The following CPHXL variants were observed in gnomAD, a reference collection of about 807,000 sequenced individuals.
The protein encoded by CPHXL is cytoplasmic polyadenylated homeobox like.
In CPHXL at chr16:75,714,920, A is replaced by G. The variant is rs369457047; in HGVS notation, c.522T>C (p.Ser174=). The change falls in exon 3 of 3, where the codon TCT becomes TCC. Residue 174 remains serine (S), a synonymous_variant. Coordinates refer to ENST00000640559, the MANE Select transcript of CPHXL (RefSeq NM_001355613.1). Reference sequence around the variant, plus strand: ...TGGGAATCCCTGGTTTCTCCAGATAAGAGCACTGGGGGCCCACCTGTTGAC... The same window carrying G: ...TGGGAATCCCTGGTTTCTCCAGATAGGAGCACTGGGGGCCCACCTGTTGAC... ...TPSQQVGPQC[S]YLEKPGIPSQ... 1.5e-5 allele frequency: 6 copies of G among 398,452 alleles called. No homozygotes were observed. The highest frequency in any genetic ancestry group is 2.1e-5 in the African/African-American group (1 of 48,696). The allele number at this position is 398,452 out of a possible 1,614,324, so 24.7% of individuals were successfully genotyped here. A position where few individuals can be genotyped will look rare whatever the true frequency, so the allele number is the denominator to read the frequency against.
chr16:75,714,893 A>T lies in CPHXL; in HGVS notation c.549T>A (p.Ser183Arg). 5.0e-6 allele frequency: 2 copies of T among 398,660 alleles called. No individual in the cohort carries two copies. Among genetic ancestry groups the T allele is most frequent in the Non-Finnish European group, 8.8e-6 (2 of 226,094 alleles). The allele number at this position is 398,660 out of a possible 1,614,324, so 24.7% of individuals were successfully genotyped here. The change falls in exon 3 of 3, where the codon AGT (serine) becomes AGA (arginine). Residue 183 changes from serine (S) to arginine (R), a missense_variant. Coordinates refer to ENST00000640559, the MANE Select transcript of CPHXL (RefSeq NM_001355613.1). ...AGGAGCACTGGGAACCCACCTGTTG[A>T]CTGGGAATCCCTGGTTTCTCCAGAT... The part of the protein sequence containing the change: ...CSYLEKPGIP[S>R]QQVGSQCSYL...
chr16:75,714,678 G>A lies in CPHXL; in HGVS notation c.764C>T (p.Pro255Leu). The stretch of plus-strand genomic sequence containing the variant: ...ATGAAAATATGGCACAGAAGATGGG[G>A]GAGGATGAAGGCATTCTGCAGAGTT... ...SYNSAECLHP[P>L]PSSVPYFHGE... The change falls in exon 3 of 3, where the codon CCC becomes CTC. Residue 255 changes from proline (P) to leucine (L), a missense_variant. Transcript: ENST00000640559. The A allele has an allele frequency of 5.0e-6, 2 of 398,652 alleles. No homozygotes were observed. The highest frequency in any genetic ancestry group is 8.8e-6 in the Non-Finnish European group (2 of 226,068). The allele number at this position is 398,652 out of a possible 1,614,324, so 24.7% of individuals were successfully genotyped here.
chr16:75,716,794 A>T (rs1378117731), intron 2 of CPHXL, among the ~76,000 whole-genome samples: 3 of 152,170 alleles, frequency 2.0e-5, no homozygotes, highest in Non-Finnish European at 4.4e-5. Context: ...TTTCATCCTG[A>T]AGCTACTAGG....
intron 2 of CPHXL, among the ~76,000 whole-genome samples, chr16:75,716,003 TTC>T (rs1355416821): frequency 6.6e-6 from 1 of 152,146 alleles, no homozygotes; most frequent in Non-Finnish European, 1.5e-5. Context: ...TGGCCCACAT[TTC>T]TGTTTCTTAT....
intron 1 of CPHXL, among the ~76,000 whole-genome samples, chr16:75,723,674 A>G (rs377142408): frequency 6.6e-6 from 1 of 152,102 alleles, no homozygotes. Context: ...TGGCCATACT[A>G]CCCAAGGTAA....
intron 1 of CPHXL, among the ~76,000 whole-genome samples, chr16:75,721,781 C>T (rs1030143748): frequency 6.6e-6 from 1 of 152,192 alleles, no homozygotes. Flanking sequence ...ACTCTCCACC[C>T]CAAATCAACA....
intron 1 of CPHXL, among the ~76,000 whole-genome samples, 167 bp downstream of exon 1, chr16:75,726,251 G>T (rs1959558022): frequency 6.6e-6 from 1 of 152,116 alleles, no homozygotes; most frequent in African/African-American, 2.4e-5. Flanking sequence ...TGAAATTCAA[G>T]AGTCCAACTT....
chr16:75,715,360 CAT>C (rs1475457109), intron 2 of CPHXL, 138 bp from the exon 3 acceptor site: 1 of 396,676 alleles, frequency 2.5e-6, no homozygotes, highest in African/African-American at 2.1e-5. Flanking sequence ...GACATTAAAG[CAT>C]ATAAATAATA....
intron 1 of CPHXL, among the ~76,000 whole-genome samples, chr16:75,723,996 C>G (rs1959517666): frequency 6.6e-6 from 1 of 152,222 alleles, no homozygotes; most frequent in Admixed American, 6.5e-5. Context: ...TGATCTTTGA[C>G]AAACTTGACA....
intron 1 of CPHXL, among the ~76,000 whole-genome samples, chr16:75,719,883 C>T (rs564803930): frequency 4.6e-5 from 7 of 152,204 alleles, no homozygotes; most frequent in South Asian, 2.1e-4. Context: ...CTCACACGGC[C>T]GGGTACTCCT....
At chr16:75,720,748 G>C (rs1045590564) in intron 1 of CPHXL, among the ~76,000 whole-genome samples, 4 of 58,546 alleles carry the variant, frequency 6.8e-5, no homozygotes, top group African/African-American at 2.9e-4. Context: ...AGGAAATACA[G>C]AGAACACCAC....
chr16:75,716,573 C>T (rs1959395658), intron 2 of CPHXL, among the ~76,000 whole-genome samples: 1 of 152,170 alleles, frequency 6.6e-6, no homozygotes, highest in Non-Finnish European at 1.5e-5. Flanking sequence ...CTGGATAAGC[C>T]ACCTCCAGGA....
Position 75,718,390 on chromosome 16 carries a change from G to C in CPHXL, c.94C>G (p.Arg32Gly). 1 of 398,570 alleles carries C rather than the reference G, an allele frequency of 2.5e-6. No individual in the cohort carries two copies. Among genetic ancestry groups the C allele is most frequent in the Non-Finnish European group, 4.4e-6 (1 of 226,136 alleles). 24.7% of individuals were successfully genotyped at this position (398,570 alleles called of 1,614,324 possible). ...AGTAATTCTTCAGAAAATTTATGTC[G>C]GTGTTTTGTTTTTCTTTTATTCTTT... is the stretch of plus-strand genomic sequence containing the variant. ...QTKNKRKTKH[R>G]HKFSEELLQE... The change falls in exon 2 of 3, where the codon CGA (arginine) becomes GGA (glycine). Residue 32 changes from arginine to glycine, a missense_variant. Transcript: ENST00000640559.
intron 1 of CPHXL, among the ~76,000 whole-genome samples, chr16:75,719,800 GCCT>G (rs1313400195): frequency 6.6e-6 from 1 of 152,164 alleles, no homozygotes; most frequent in Non-Finnish European, 1.5e-5. Context: ...CGGACAGACT[GCCT>G]CCTCAAGTGG....
chr16:75,722,030 G>C (rs1256780614), intron 1 of CPHXL, among the ~76,000 whole-genome samples: 1 of 152,188 alleles, frequency 6.6e-6, no homozygotes, highest in Non-Finnish European at 1.5e-5. Context: ...AATGAAGGCA[G>C]AAACAAAGAT....
intron 2 of CPHXL, among the ~76,000 whole-genome samples, chr16:75,717,295 A>T (rs536448397): frequency 6.6e-6 from 1 of 152,340 alleles, no homozygotes; most frequent in South Asian, 2.1e-4. Flanking sequence ...TCACAAGTAC[A>T]TAATACTATT....
intron 1 of CPHXL, among the ~76,000 whole-genome samples, chr16:75,725,905 A>T (rs549102658): frequency 6.6e-6 from 1 of 151,834 alleles, no homozygotes; most frequent in South Asian, 2.1e-4. Flanking sequence ...AGCCAGTCAT[A>T]CTAAATTGGA....
chr16:75,716,624 G>A (rs778809594), intron 2 of CPHXL, among the ~76,000 whole-genome samples: 1 of 152,186 alleles, frequency 6.6e-6, no homozygotes, highest in Non-Finnish European at 1.5e-5. Flanking sequence ...TTCAAACTCA[G>A]TGTCTTTGTT....
chr16:75,723,127 A>C (rs1959502244), intron 1 of CPHXL, among the ~76,000 whole-genome samples: 1 of 152,202 alleles, frequency 6.6e-6, no homozygotes, highest in Non-Finnish European at 1.5e-5. Context: ...AATTATGACA[A>C]ACCCACAGCC....
Sources: allele counts gnomAD v4.1 joint callset (sites outside exome capture counted in the v4.1 genomes callset), GRCh38; gene constraint gnomAD v4.1.1; transcripts MANE v1.5; gene names NCBI Gene and HGNC (gene_info 2026-07-23, HGNC 2026-07-21).